The following CNTN1 variants were observed in gnomAD, a reference collection of about 807,000 sequenced individuals.
CNTN1 encodes the protein contactin 1, also known as contactin-1.
In CNTN1, 38 loss-of-function variants were observed where a neutral mutation model predicts 126.4. The ratio of observed to expected loss-of-function variants is 0.30; its 90% confidence interval spans 0.23 to 0.39. The LOEUF (loss-of-function observed/expected upper bound fraction) is 0.39, where lower values mean the gene tolerates loss of function less well. CNTN1 is among the 10% of genes least tolerant of loss of function. The pLI is 1.00. For missense variants in CNTN1, 1,009 were observed against 1,248.4 expected (o/e 0.81, Z 2.89); for synonymous variants, 413 against 422.6 (o/e 0.98, Z 0.28).
Position 40,894,543 on chromosome 12 carries a change from C to G in CNTN1, c.-76-13814C>G, listed in dbSNP as rs550480483. On this transcript the variant is annotated intron_variant, in intron 1 of 23. Coordinates refer to ENST00000551295, the MANE Select transcript of CNTN1 (RefSeq NM_001843.4). ...AATTTTCTTTAAGTCTAAAACTGTT[C>G]TGAAAATAACATATAAAATATGTCA... is the stretch of plus-strand genomic sequence containing the variant. Among the ~76,000 whole-genome samples the G allele has an allele frequency of 1.7e-3, 263 of 152,218 alleles. 6 individuals carry two copies. Among genetic ancestry groups the G allele is most frequent in the Admixed American group, 0.017 (261 of 15,288 alleles).
intron 23 of CNTN1, among the ~76,000 whole-genome samples, chr12:41,031,016 TG>T (rs1949135304): frequency 6.6e-6 from 1 of 152,218 alleles, no homozygotes; most frequent in Non-Finnish European, 1.5e-5. Context: ...TCTTGAACCC[TG>T]GGCCTTCTTT....
At chr12:40,934,438 T>A (rs1442194) in intron 9 of CNTN1, among the ~76,000 whole-genome samples, 8,415 of 151,978 alleles carry the variant, frequency 0.055, 493 homozygotes, top group Admixed American at 0.16. Context: ...TCTTTTTTTT[T>A]TTTTTTGACA....
intron 15 of CNTN1, among the ~76,000 whole-genome samples, chr12:40,976,016 G>C (rs540574260): frequency 2.0e-4 from 31 of 152,264 alleles, no homozygotes; most frequent in African/African-American, 7.5e-4. Context: ...GTGGTGACAA[G>C]AGAGGAGTGA....
chr12:40,963,909 C>T lies in CNTN1; in HGVS notation c.1804+4675C>T, dbSNP rs79410199. 5.2e-3 allele frequency among the ~76,000 whole-genome samples: 785 copies of T among 152,194 alleles called. 5 individuals are homozygous for T. The highest frequency in any genetic ancestry group is 0.018 in the African/African-American group (758 of 41,556). The stretch of plus-strand genomic sequence containing the variant: ...AGGCAAGAGTTTTGCAGGATTTATA[C>T]AGCAAGATTTATTTTGGAAACCTAT... On this transcript the variant is annotated intron_variant, in intron 15 of 23. Transcript: ENST00000551295.
rs577882224 is a variant in CNTN1 at position 40,967,491 on chromosome 12, AAAAC to A, written c.1804+8273_1804+8276del. 7.9e-5 allele frequency among the ~76,000 whole-genome samples: 12 copies of A among 152,028 alleles called. No individual in the cohort carries two copies. The South Asian group carries it at 1.0e-3, about 13-fold the overall frequency. Reference sequence around the variant, plus strand: ...TGAGACTGTCTCAAAAAAACAAAACAAAACAAACAAACAAACAAAAAATAACCCT... The same window carrying A: ...TGAGACTGTCTCAAAAAAACAAAACAAAACAAACAAACAAAAAATAACCCT... On this transcript the variant is annotated intron_variant, in intron 15 of 23. Coordinates refer to ENST00000551295, the MANE Select transcript of CNTN1 (RefSeq NM_001843.4).
At chr12:40,853,524 G>A (rs1392260658) in intron 1 of CNTN1, among the ~76,000 whole-genome samples, 1 of 152,054 alleles carries the variant, frequency 6.6e-6, no homozygotes, top group African/African-American at 2.4e-5. Context: ...TGATGGTCAT[G>A]TTTACATTGT....
intron 1 of CNTN1, among the ~76,000 whole-genome samples, chr12:40,795,971 C>T (rs1940412271): frequency 6.6e-6 from 1 of 152,010 alleles, no homozygotes. Flanking sequence ...ATTGAATTTA[C>T]AGCTAGTAAA....
chr12:40,762,138 T>G (rs1938887929), intron 1 of CNTN1, among the ~76,000 whole-genome samples: 1 of 152,200 alleles, frequency 6.6e-6, no homozygotes, highest in Non-Finnish European at 1.5e-5. Context: ...TAAAGAAAGC[T>G]AGACTTTATT....
intron 1 of CNTN1, among the ~76,000 whole-genome samples, chr12:40,753,035 A>G (rs899621509): frequency 4.6e-5 from 7 of 152,114 alleles, no homozygotes; most frequent in Admixed American, 2.6e-4. Context: ...ATATCTTCAC[A>G]TATGGTAGTG....
In CNTN1 at chr12:40,972,656, C is replaced by A. The variant is rs188508906; in HGVS notation, c.1805-8253C>A. The A allele has an allele frequency of 2.7e-5, 26 of 956,880 alleles. No individual in the cohort carries two copies. In the African/African-American group the frequency reaches 4.6e-4, roughly 17 times the overall value. 59.3% of individuals were successfully genotyped at this position (956,880 alleles called of 1,614,324 possible). A position where few individuals can be genotyped will look rare whatever the true frequency, so the allele number is the denominator to read the frequency against. On this transcript the variant is annotated intron_variant, in intron 15 of 23. Coordinates refer to ENST00000551295, the MANE Select transcript of CNTN1 (RefSeq NM_001843.4). ...TACTTATTTCCTTCTTTTATATTTTCTAGTCTCAATTACTGTTCCAAAAGG... is the reference window on the plus strand; with the variant it reads ...TACTTATTTCCTTCTTTTATATTTTATAGTCTCAATTACTGTTCCAAAAGG...
intron 23 of CNTN1, among the ~76,000 whole-genome samples, chr12:41,044,561 G>A (rs1374567615): frequency 2.0e-5 from 3 of 151,572 alleles, no homozygotes; most frequent in Non-Finnish European, 2.9e-5. Context: ...TGAAATCTAT[G>A]AGGCAAATCC....
At chr12:40,946,878 C>T (rs1946452236) in intron 14 of CNTN1, among the ~76,000 whole-genome samples, 2 of 151,918 alleles carry the variant, frequency 1.3e-5, no homozygotes, top group Admixed American at 6.6e-5. Flanking sequence ...TCTTTTCCTT[C>T]ATGAAATTAA....
chr12:40,954,893 C>T (rs1377207199), intron 14 of CNTN1, among the ~76,000 whole-genome samples: 1 of 152,094 alleles, frequency 6.6e-6, no homozygotes, highest in Non-Finnish European at 1.5e-5. Context: ...ACCAGCAAAG[C>T]TTACCAAGCC....
chr12:40,929,204 A>C (rs977926600), intron 6 of CNTN1, among the ~76,000 whole-genome samples: 5 of 151,930 alleles, frequency 3.3e-5, no homozygotes, highest in African/African-American at 1.2e-4. Context: ...CATGTGGGTA[A>C]GAGTTACCAT....
At chr12:40,706,096 T>TTATATATATA (rs35315935) in intron 1 of CNTN1, among the ~76,000 whole-genome samples, 24 of 147,724 alleles carry the variant, frequency 1.6e-4, no homozygotes, top group African/African-American at 5.7e-4. Flanking sequence ...ATTTGATGCT[T>TTATATATATA]TATATATATA....
chr12:41,013,248 A>G (rs868536406), intron 17 of CNTN1, among the ~76,000 whole-genome samples: 2 of 152,248 alleles, frequency 1.3e-5, no homozygotes, highest in Middle Eastern at 6.8e-3. Flanking sequence ...CTTACTGTAC[A>G]TGTGGCTGAG....
chr12:40,773,630 A>G (rs1319822928), intron 1 of CNTN1, among the ~76,000 whole-genome samples: 2 of 92,906 alleles, frequency 2.2e-5, no homozygotes, highest in Non-Finnish European at 4.4e-5. Flanking sequence ...CTGACCAGAA[A>G]CTGTATATAT....
At chr12:40,779,866 G>C (rs1216390638) in intron 1 of CNTN1, among the ~76,000 whole-genome samples, 1 of 151,948 alleles carries the variant, frequency 6.6e-6, no homozygotes, top group Non-Finnish European at 1.5e-5. Flanking sequence ...TTTCACAGAT[G>C]AGTGCAGTTC....
intron 23 of CNTN1, among the ~76,000 whole-genome samples, chr12:41,041,387 G>A (rs902995496): frequency 2.0e-5 from 3 of 152,092 alleles, no homozygotes; most frequent in Non-Finnish European, 4.4e-5. Flanking sequence ...TTTTTTGGTT[G>A]TGTCTCTGCC....
Sources: allele counts gnomAD v4.1 joint callset (sites outside exome capture counted in the v4.1 genomes callset), GRCh38; gene constraint gnomAD v4.1.1; transcripts MANE v1.5; gene names NCBI Gene and HGNC (gene_info 2026-07-23, HGNC 2026-07-21).